NBPF26: variants seen among roughly 807,000 people sequenced by gnomAD.
NBPF26 encodes NBPF family member NBPF26.
A neutral mutation model predicts 119.6 loss-of-function variants in NBPF26; 79 were observed. That is an observed-to-expected ratio of 0.66 (90% confidence interval 0.55 to 0.80). The LOEUF is 0.80. Among genes scored for constraint, NBPF26 ranks in the 30% least tolerant of loss-of-function variants. The probability of loss-of-function intolerance (pLI) is 0.00; values close to 1 mark genes in which losing one functional copy is unlikely to be tolerated. For synonymous variants in NBPF26, 299 were observed against 457.7 expected (o/e 0.65, Z 4.43); for missense variants, 800 against 1,198.2 (o/e 0.67, Z 4.91).
chr1:120,790,543 T>TCTTTCTTC lies in NBPF26; in HGVS notation c.416-2611_416-2610insCCTTTCTT, dbSNP rs1651476997. On this transcript the variant is annotated intron_variant, in intron 3 of 29. Transcript: ENST00000620612. ...TTCTTTCTTTCTCCCTCCCTTTCTTTCTTTCTTTCTTTCTTTCTTTCTTTC... is the reference window on the plus strand; with the variant it reads ...TTCTTTCTTTCTCCCTCCCTTTCTTTCTTTCTTCCTTTCTTTCTTTCTTTCTTTCTTTC... Among the ~76,000 whole-genome samples, 2 of 81,914 alleles carry TCTTTCTTC rather than the reference T, an allele frequency of 2.4e-5. 1 individual carries two copies. Among genetic ancestry groups the TCTTTCTTC allele is most frequent in the Admixed American group, 2.4e-4 (2 of 8,472 alleles). The allele number at this position is 81,914 out of a possible 152,430, so 53.7% of individuals were successfully genotyped here.
chr1:120,767,788 G>T (rs1388897160), intron 2 of NBPF26, among the ~76,000 whole-genome samples: 1 of 112,876 alleles, frequency 8.9e-6, no homozygotes, highest in African/African-American at 5.4e-5. Flanking sequence ...TTTGATTAAA[G>T]ATCATGGACA....
At position 120,779,205 on chromosome 1, in the gene NBPF26, CT is replaced by C. The variant is rs1168511703; in HGVS notation, c.156-5757del. 6.5e-3 allele frequency among the ~76,000 whole-genome samples: 6 copies of C among 928 alleles called. 1 individual carries two copies. The highest frequency in any genetic ancestry group is 0.021 in the Admixed American group (2 of 96). The allele number at this position is 928 out of a possible 152,430, so 0.6% of individuals were successfully genotyped here. The stretch of plus-strand genomic sequence containing the variant: ...GGACCTCTCAATGTCAGAAATGACA[CT>C]TTTTTTTTTTTGAGATGGGGTTAGG... On this transcript the variant is annotated intron_variant, in intron 2 of 29. Transcript: ENST00000620612.
At chr1:120,813,020 G>A (rs1651911124) in intron 10 of NBPF26, among the ~76,000 whole-genome samples, 2 of 119,166 alleles carry the variant, frequency 1.7e-5, no homozygotes, top group Admixed American at 1.6e-4. Context: ...GCTTCCTGGG[G>A]CACAGAGTCT....
chr1:120,752,649 C>A (rs1651037967), intron 1 of NBPF26, among the ~76,000 whole-genome samples: 1 of 38,084 alleles, frequency 2.6e-5, no homozygotes, highest in Non-Finnish European at 4.0e-5. Context: ...TGGCTCATTG[C>A]AAGCTCCGCC....
Position 120,811,146 on chromosome 1 carries a change from G to A in NBPF26, c.1564+588G>A, listed in dbSNP as rs1216644386. On this transcript the variant is annotated intron_variant, in intron 9 of 29. Transcript: ENST00000620612. ...GCCTGTAGTCCCAGCTACTCAGGAGGCTGAGGCAGGAGAATGGCATGAACC... is the reference window on the plus strand; with the variant it reads ...GCCTGTAGTCCCAGCTACTCAGGAGACTGAGGCAGGAGAATGGCATGAACC... 2.2e-3 allele frequency among the ~76,000 whole-genome samples: 234 copies of A among 106,972 alleles called. 92 individuals are homozygous for A. Among genetic ancestry groups the A allele is most frequent in the African/African-American group, 0.013 (230 of 17,620 alleles). 70.2% of individuals were successfully genotyped at this position (106,972 alleles called of 152,430 possible).
rs1553273380 is a variant in NBPF26, at chr1:120,840,301, G to A, written c.4104-49G>A. On this transcript the variant is annotated intron_variant, in intron 29 of 29. Transcript: ENST00000620612. ...CTTCTGAAATCTAGTGGGGCTCTGT[G>A]GTGTCCGATTTTCCCTGGCTGCTTC... 5 of 1,443,828 alleles carry A rather than the reference G, an allele frequency of 3.5e-6. 1 individual carries two copies. The highest frequency in any genetic ancestry group is 4.6e-6 in the Non-Finnish European group (5 of 1,082,210). The allele number at this position is 1,443,828 out of a possible 1,614,324, so 89.4% of individuals were successfully genotyped here. A position where few individuals can be genotyped will look rare whatever the true frequency, so the allele number is the denominator to read the frequency against.
intron 3 of NBPF26, among the ~76,000 whole-genome samples, chr1:120,790,611 T>C (rs1651481379): frequency 9.4e-6 from 1 of 106,868 alleles, no homozygotes; most frequent in South Asian, 2.8e-4. Context: ...TCTCTTTCCC[T>C]CTCTCTTTCT....
At chr1:120,795,934 G>GTT (rs1419709425) in intron 4 of NBPF26, among the ~76,000 whole-genome samples, 4 of 25,270 alleles carry the variant, frequency 1.6e-4, no homozygotes. Context: ...GTGTGTGTGT[G>GTT]TGTGTGTGTG....
Position 120,807,352 on chromosome 1 carries a change from A to G in NBPF26, c.962-255A>G, listed in dbSNP as rs1651722698. On this transcript the variant is annotated intron_variant, in intron 5 of 29. Coordinates refer to ENST00000620612, the Ensembl canonical transcript of NBPF26. Reference sequence around the variant, plus strand: ...CTCAGGGACTGTGAGTTCTGACTCCACTTCGTTGTGGTTGAATCATCTTGT... The same window carrying G: ...CTCAGGGACTGTGAGTTCTGACTCCGCTTCGTTGTGGTTGAATCATCTTGT... 6.4e-5 allele frequency among the ~76,000 whole-genome samples: 8 copies of G among 125,070 alleles called. 2 individuals are homozygous for G. In the South Asian group the frequency reaches 1.4e-3, roughly 22 times the overall value. 82.1% of individuals were successfully genotyped at this position (125,070 alleles called of 152,430 possible).
chr1:120,823,793 T>TGTGTGTGTGTGTG (rs1652190032), intron 17 of NBPF26, among the ~76,000 whole-genome samples, 181 bp from the exon 18 acceptor site: 2 of 112,700 alleles, frequency 1.8e-5, no homozygotes, highest in African/African-American at 5.0e-5. Context: ...TGTGTGTGTC[T>TGTGTGTGTGTGTG]TTCATCTTTT....
rs1254022570 is a variant in NBPF26, at chr1:120,811,534, G to A, written c.1565-352G>A. ...CACTGCAGCCTGCGCGACAGAGTGAGACTCCGTCTCAAACAAAAAAACCAA... is the reference window on the plus strand; with the variant it reads ...CACTGCAGCCTGCGCGACAGAGTGAAACTCCGTCTCAAACAAAAAAACCAA... On this transcript the variant is annotated intron_variant, in intron 9 of 29. Transcript: ENST00000620612. Among the ~76,000 whole-genome samples, 2 of 113,094 alleles carry A rather than the reference G, an allele frequency of 1.8e-5. 1 individual carries two copies. Among genetic ancestry groups the A allele is most frequent in the African/African-American group, 1.0e-4 (2 of 19,612 alleles). The allele number at this position is 113,094 out of a possible 152,430, so 74.2% of individuals were successfully genotyped here. A position where few individuals can be genotyped will look rare whatever the true frequency, so the allele number is the denominator to read the frequency against.
At chr1:120,802,810 T>G (rs1359586920) in intron 4 of NBPF26, among the ~76,000 whole-genome samples, 1 of 113,250 alleles carries the variant, frequency 8.8e-6, no homozygotes, top group South Asian at 2.6e-4. Flanking sequence ...CATTGAGACA[T>G]GAAGAACAGA....
chr1:120,825,473 AT>A (rs1260250897), intron 18 of NBPF26, among the ~76,000 whole-genome samples, 40 bp from the exon 20 acceptor site: 1 of 118,030 alleles, frequency 8.5e-6, no homozygotes, highest in Non-Finnish European at 1.6e-5. Flanking sequence ...GTGGTTTCTG[AT>A]TCCCCCTGGC....
intron 5 of NBPF26, among the ~76,000 whole-genome samples, chr1:120,806,649 C>A (rs1215501991): frequency 8.2e-6 from 1 of 121,906 alleles, no homozygotes; most frequent in Non-Finnish European, 1.7e-5. Context: ...GCAGAGAGTA[C>A]CTTGGTGAGA....
chr1:120,770,262 C>T (rs1239159108), intron 2 of NBPF26, among the ~76,000 whole-genome samples: 1,553 of 105,218 alleles, frequency 0.015, 283 homozygotes, highest in Non-Finnish European at 0.017. Flanking sequence ...CTCCGCCTCC[C>T]GGGTTCATGC....
exon 4 of NBPF26, chr1:120,793,304 G>T: frequency 7.1e-7 from 1 of 1,398,858 alleles, no homozygotes. Context: ...CAATGAGTGT[G>T]ACATTCCAGG....
intron 1 of NBPF26, among the ~76,000 whole-genome samples, chr1:120,745,255 C>CAG (rs1650969109): frequency 1.9e-5 from 2 of 105,768 alleles, no homozygotes; most frequent in South Asian, 5.4e-4. Flanking sequence ...GGTCATGAAA[C>CAG]CAATTTGGTA....
rs1571041349 is a variant in NBPF26 at position 120,816,899 on chromosome 1, A to G, written c.2371+72A>G. 9 of 1,424,250 alleles carry G rather than the reference A, an allele frequency of 6.3e-6. 2 individuals are homozygous for G. Among genetic ancestry groups the G allele is most frequent in the East Asian group, 4.6e-5 (2 of 43,774 alleles). 88.2% of individuals were successfully genotyped at this position (1,424,250 alleles called of 1,614,324 possible). A position where few individuals can be genotyped will look rare whatever the true frequency, so the allele number is the denominator to read the frequency against. Reference sequence around the variant, plus strand: ...AAGATAAACTCTGAAGACAGGCTCTATAAACACAAATTCATTTGAATAAAA... The same window carrying G: ...AAGATAAACTCTGAAGACAGGCTCTGTAAACACAAATTCATTTGAATAAAA... On this transcript the variant is annotated intron_variant, in intron 14 of 29. Coordinates refer to ENST00000620612, the Ensembl canonical transcript of NBPF26.
intron 8 of NBPF26, 80 bp downstream of exon 8, chr1:120,809,963 T>G: frequency 2.0e-6 from 3 of 1,495,472 alleles, no homozygotes; most frequent in Non-Finnish European, 2.7e-6. Context: ...CTGGCATCTA[T>G]GGTGGGCCAA....
Sources: allele counts gnomAD v4.1 joint callset (sites outside exome capture counted in the v4.1 genomes callset), GRCh38; gene constraint gnomAD v4.1.1; transcripts MANE v1.5; gene names NCBI Gene and HGNC (gene_info 2026-07-23, HGNC 2026-07-21).